The following NFATC1 variants were observed in gnomAD, a reference collection of about 807,000 sequenced individuals.
NFATC1 encodes the protein nuclear factor of activated T cells 1.
NFATC1 carries 22 observed loss-of-function variants against 76.0 expected under a neutral mutation model. The ratio of observed to expected loss-of-function variants is 0.29; its 90% CI spans 0.21 to 0.41. The LOEUF (loss-of-function observed/expected upper bound fraction) is 0.41. NFATC1 is among the 10% of genes least tolerant of loss of function. The pLI, the probability that NFATC1 is intolerant of heterozygous loss-of-function variation, is 1.00. For missense variants in NFATC1, 1,357 were observed against 1,337.7 expected (o/e 1.01, Z -0.23); for synonymous variants, 704 against 613.1 (o/e 1.15, Z -2.19).
chr18:79,408,955 C>G (rs1254059149), intron 1 of NFATC1, among the ~76,000 whole-genome samples: 1 of 140,166 alleles, frequency 7.1e-6, no homozygotes, highest in African/African-American at 2.7e-5. Flanking sequence ...ATTCATCATC[C>G]ATCCATCCAT....
rs1021759726 is a variant in NFATC1, at chr18:79,524,856, G to A, written c.2783-2672G>A. ...CCATGCCGCTTCCCTTTCACCCTCAGCGACGCGCCCTCCTGTGCCCGCGGG... is the reference window on the plus strand; with the variant it reads ...CCATGCCGCTTCCCTTTCACCCTCAACGACGCGCCCTCCTGTGCCCGCGGG... On this transcript the variant is annotated intron_variant, in intron 9 of 9. Transcript: ENST00000427363. This position sits in a 1 kb window ranked among gnomAD's most constrained non-coding sequence, Gnocchi z 7.2. Among the ~76,000 whole-genome samples the A allele has an allele frequency of 5.9e-5, 9 of 152,106 alleles. No homozygotes were observed. Among genetic ancestry groups the A allele is most frequent in the Admixed American group, 2.0e-4 (3 of 15,276 alleles).
At chr18:79,482,435 G>T (rs1440512843) in intron 8 of NFATC1, among the ~76,000 whole-genome samples, 1 of 120,888 alleles carries the variant, frequency 8.3e-6, no homozygotes, top group Non-Finnish European at 1.7e-5. Context: ...GCGTGACCTG[G>T]TCCTGGGGTG....
intron 1 of NFATC1, among the ~76,000 whole-genome samples, chr18:79,403,820 G>C (rs1266692122): frequency 1.3e-5 from 2 of 152,268 alleles, no homozygotes; most frequent in African/African-American, 2.4e-5. Context: ...TTCCCCAAGA[G>C]GGCCCGGGGT....
chr18:79,475,896 G>C (rs1008081363), intron 8 of NFATC1, among the ~76,000 whole-genome samples: 3 of 152,242 alleles, frequency 2.0e-5, no homozygotes, highest in Admixed American at 6.5e-5. Flanking sequence ...TGCTCCTGCA[G>C]AAATCAGAGA....
At chr18:79,487,831 G>A (rs937122294) in intron 9 of NFATC1, among the ~76,000 whole-genome samples, 9 of 152,314 alleles carry the variant, frequency 5.9e-5, no homozygotes, top group African/African-American at 1.9e-4. Context: ...TGATCGGGGC[G>A]TGCCCGCGGC....
intron 9 of NFATC1, among the ~76,000 whole-genome samples, chr18:79,525,712 G>A (rs2090743715): frequency 6.6e-6 from 1 of 152,178 alleles, no homozygotes; most frequent in African/African-American, 2.4e-5. Context: ...TTGGAGCTCC[G>A]CTGGCCAGGG....
chr18:79,402,230 A>T, intron 1 of NFATC1: 1 of 597,032 alleles, frequency 1.7e-6, no homozygotes, highest in Non-Finnish European at 2.1e-6. Context: ...ACAGGAGGCC[A>T]GTCTCTGCCC....
chr18:79,413,996 C>G (rs1159766056), intron 2 of NFATC1, among the ~76,000 whole-genome samples: 4 of 152,218 alleles, frequency 2.6e-5, no homozygotes, highest in Non-Finnish European at 5.9e-5. Context: ...ATGTCCCAAA[C>G]TCGCTCCTGG....
intron 3 of NFATC1, among the ~76,000 whole-genome samples, chr18:79,446,431 A>T (rs996974263): frequency 1.3e-5 from 2 of 151,962 alleles, no homozygotes; most frequent in Non-Finnish European, 2.9e-5. Context: ...ACTCATTTAC[A>T]TTTTTTTCTA....
chr18:79,427,968 C>CG (rs1284029676), intron 2 of NFATC1, among the ~76,000 whole-genome samples: 21 of 9,622 alleles, frequency 2.2e-3, no homozygotes, highest in South Asian at 0.022. Flanking sequence ...CAGTGGGTGG[C>CG]GGGGGGGTGC....
At position 79,527,842 on chromosome 18, in the gene NFATC1, C is replaced by T. The variant is rs957163214; in HGVS notation, c.*265C>T. Reference sequence around the variant, plus strand: ...GCCGGGCTGAGCACGGGAGACCCACCGTGCAGGGGCCTTTCATGGGAACGG... The same window carrying T: ...GCCGGGCTGAGCACGGGAGACCCACTGTGCAGGGGCCTTTCATGGGAACGG... On this transcript the variant is annotated 3_prime_UTR_variant, in exon 10 of 10. Coordinates refer to ENST00000427363, the MANE Select transcript of NFATC1 (RefSeq NM_001278669.2). 18 of 522,088 alleles carry T rather than the reference C, an allele frequency of 3.4e-5. No homozygotes were observed. Among genetic ancestry groups the T allele is most frequent in the East Asian group, 2.6e-4 (9 of 34,898 alleles). The allele number at this position is 522,088 out of a possible 1,614,324, so 32.3% of individuals were successfully genotyped here.
At chr18:79,491,052 C>A (rs937758584) in intron 9 of NFATC1, among the ~76,000 whole-genome samples, 2 of 151,834 alleles carry the variant, frequency 1.3e-5, no homozygotes, top group Non-Finnish European at 2.9e-5. Context: ...CAGACCCCAA[C>A]AAGCTCCATG....
At chr18:79,408,464 A>G (rs1444071952) in intron 1 of NFATC1, among the ~76,000 whole-genome samples, 1 of 152,232 alleles carries the variant, frequency 6.6e-6, no homozygotes, top group African/African-American at 2.4e-5. Context: ...TTTAAAAAAT[A>G]TTTTATTGAG....
chr18:79,490,968 C>T (rs761521338), intron 9 of NFATC1, among the ~76,000 whole-genome samples: 1 of 151,960 alleles, frequency 6.6e-6, no homozygotes, highest in Non-Finnish European at 1.5e-5. Flanking sequence ...TCTGAGTCCC[C>T]GAGACTCCAG....
At chr18:79,459,471 G>A (rs952036118) in intron 6 of NFATC1, among the ~76,000 whole-genome samples, 3 of 152,124 alleles carry the variant, frequency 2.0e-5, no homozygotes, top group African/African-American at 4.8e-5. Flanking sequence ...CAAAAATGGC[G>A]TCCCCTCGGG....
At chr18:79,507,550 G>A (rs975888165) in intron 9 of NFATC1, among the ~76,000 whole-genome samples, 1 of 152,236 alleles carries the variant, frequency 6.6e-6, no homozygotes, top group Non-Finnish European at 1.5e-5. Flanking sequence ...GTTCAGCCCA[G>A]TGTCTGTTCA....
chr18:79,410,380 C>T lies in NFATC1; in HGVS notation c.128-23C>T, dbSNP rs2085623204. 2.5e-6 allele frequency: 4 copies of T among 1,582,938 alleles called. No homozygotes were observed. The highest frequency in any genetic ancestry group is 1.3e-5 in the African/African-American group (1 of 74,462). ...TGTGATGCCCAGCCCCTCATGCTCC[C>T]ATCTGCTTCTTTTTCTCTCTAGAAC... On this transcript the variant is annotated intron_variant, in intron 1 of 9. Transcript: ENST00000427363. This position sits in a 1 kb window ranked among gnomAD's most constrained non-coding sequence, Gnocchi z 6.7.
At chr18:79,416,864 G>A (rs1280919379) in intron 2 of NFATC1, among the ~76,000 whole-genome samples, 1 of 152,190 alleles carries the variant, frequency 6.6e-6, no homozygotes, top group African/African-American at 2.4e-5. Context: ...TGTTTCTGGA[G>A]CTAGACAAGC....
At chr18:79,455,630 C>T (rs1039082908) in intron 6 of NFATC1, among the ~76,000 whole-genome samples, 15 of 152,202 alleles carry the variant, frequency 9.9e-5, no homozygotes, top group African/African-American at 3.4e-4. Context: ...AGCGAGTAGA[C>T]AGAGCCCCTC....
Sources: gnomAD v4.1 joint callset for allele counts (sites outside exome capture counted in the v4.1 genomes callset) on GRCh38, gnomAD v4.1.1 for gene constraint, Gnocchi (gnomAD v3.1) non-coding constraint, MANE v1.5 for transcripts, NCBI Gene and HGNC (gene_info 2026-07-23, HGNC 2026-07-21) for gene names.